HS6ST3: variants seen among roughly 807,000 people sequenced by gnomAD.
The protein encoded by HS6ST3 is heparan sulfate 6-O-sulfotransferase 3.
HS6ST3 carries 12 observed loss-of-function variants against 36.7 expected under a neutral mutation model. The observed-to-expected ratio is 0.33, with a 90% CI of 0.21 to 0.53. HS6ST3 has a LOEUF of 0.53. Ranked by LOEUF, HS6ST3 falls within the 20% of genes least tolerant of loss-of-function variation. The pLI is 0.95. For missense variants in HS6ST3, 584 were observed against 640.9 expected (o/e 0.91, Z 0.96); for synonymous variants, 240 against 257.5 (o/e 0.93, Z 0.65).
chr13:96,553,902 A>T (rs2056229549), intron 1 of HS6ST3, among the ~76,000 whole-genome samples: 1 of 152,178 alleles, frequency 6.6e-6, no homozygotes, highest in African/African-American at 2.4e-5. Flanking sequence ...AGAGAAAAGA[A>T]CCAAAGATGG....
At chr13:96,815,870 C>A (rs1260862625) in intron 1 of HS6ST3, among the ~76,000 whole-genome samples, 1 of 152,154 alleles carries the variant, frequency 6.6e-6, no homozygotes, top group Non-Finnish European at 1.5e-5. Context: ...GTGTTCAAAG[C>A]CACAATCCCC....
intron 1 of HS6ST3, among the ~76,000 whole-genome samples, chr13:96,188,375 TAGGCCAA>T (rs1389369878): frequency 2.0e-5 from 3 of 152,158 alleles, no homozygotes; most frequent in Non-Finnish European, 4.4e-5. Context: ...AGCACTTTGG[TAGGCCAA>T]AGCTGGAGAA....
At chr13:96,631,127 C>G (rs774760391) in intron 1 of HS6ST3, among the ~76,000 whole-genome samples, 5 of 152,112 alleles carry the variant, frequency 3.3e-5, no homozygotes, top group Non-Finnish European at 5.9e-5. Context: ...AAACAGTAGT[C>G]AAATGAGCTG....
chr13:96,747,039 A>C (rs560275896), intron 1 of HS6ST3, among the ~76,000 whole-genome samples: 3 of 151,836 alleles, frequency 2.0e-5, no homozygotes, highest in Non-Finnish European at 4.4e-5. Context: ...TTTTTTCCCA[A>C]CCTCCCTACC....
At chr13:96,164,849 A>AT (rs147755602) in intron 1 of HS6ST3, among the ~76,000 whole-genome samples, 3,956 of 150,500 alleles carry the variant, frequency 0.026, 62 homozygotes, top group East Asian at 0.056. Flanking sequence ...AATGATACAG[A>AT]TTTTTTTTTT....
chr13:96,112,555 A>G (rs2053873392), intron 1 of HS6ST3, among the ~76,000 whole-genome samples: 2 of 136,440 alleles, frequency 1.5e-5, no homozygotes, highest in Admixed American at 7.7e-5. Flanking sequence ...CAACATGATA[A>G]AACCCCATCT....
intron 1 of HS6ST3, among the ~76,000 whole-genome samples, chr13:96,544,837 C>T (rs991501875): frequency 2.0e-5 from 3 of 152,102 alleles, no homozygotes; most frequent in Non-Finnish European, 4.4e-5. Context: ...CAGGAAGTGA[C>T]TTGGGCACTG....
chr13:96,303,995 T>C (rs534051472), intron 1 of HS6ST3, among the ~76,000 whole-genome samples: 5 of 151,976 alleles, frequency 3.3e-5, no homozygotes, highest in Non-Finnish European at 7.4e-5. Context: ...ATACAAAAAT[T>C]AGCCAGGTGT....
chr13:96,229,418 C>A (rs114654225), intron 1 of HS6ST3, among the ~76,000 whole-genome samples: 1,769 of 152,278 alleles, frequency 0.012, 36 homozygotes, highest in African/African-American at 0.041. Flanking sequence ...GAGTCTGGGA[C>A]GACTAGCTTA....
At position 96,833,078 on chromosome 13, in the gene HS6ST3, G is replaced by C; in HGVS notation, c.1296G>C (p.Gln432His). The change falls in exon 2 of 2, where the codon CAG becomes CAC. Residue 432 changes from glutamine to histidine, a missense_variant. By Grantham distance (24) the Gln-to-His change is conservative (BLOSUM62 0). This residue lies in a region of HS6ST3 where 360 missense variants were observed against 411.3 expected (regional missense o/e 0.88). Transcript: ENST00000376705. ...AGCTAGAGCACCAGAGGGACCGCCA[G>C]AAGCGGCGGGAGGAGCGGAGGCTGC... Reference protein sequence around the residue: ...TKQLEHQRDRQKRREERRLQR... With the variant: ...TKQLEHQRDRHKRREERRLQR... The C allele has an allele frequency of 6.2e-7, 1 of 1,611,546 alleles. No homozygotes were observed. Among genetic ancestry groups the C allele is most frequent in the Non-Finnish European group, 8.5e-7 (1 of 1,180,016 alleles).
intron 1 of HS6ST3, among the ~76,000 whole-genome samples, chr13:96,789,174 C>T (rs1368662919): frequency 6.6e-6 from 1 of 151,374 alleles, no homozygotes; most frequent in Non-Finnish European, 1.5e-5. Flanking sequence ...TTAAATATTT[C>T]TCTTTGTATT....
chr13:96,143,360 C>T (rs930750307), intron 1 of HS6ST3, among the ~76,000 whole-genome samples: 3 of 150,360 alleles, frequency 2.0e-5, no homozygotes, highest in Admixed American at 6.6e-5. Flanking sequence ...ATTCTTGAAA[C>T]TACCTTGTCT....
intron 1 of HS6ST3, among the ~76,000 whole-genome samples, chr13:96,503,543 A>T (rs1204774566): frequency 6.6e-6 from 1 of 152,116 alleles, no homozygotes; most frequent in Non-Finnish European, 1.5e-5. Context: ...TAGTAGGAAG[A>T]GTGGGATTTA....
At chr13:96,780,208 A>T (rs1877492193) in intron 1 of HS6ST3, among the ~76,000 whole-genome samples, 1 of 152,186 alleles carries the variant, frequency 6.6e-6, no homozygotes, top group Non-Finnish European at 1.5e-5. Flanking sequence ...GAGCTGAAGG[A>T]TCCATGCAGA....
intron 1 of HS6ST3, among the ~76,000 whole-genome samples, chr13:96,810,353 C>T (rs972392401): frequency 2.0e-5 from 3 of 152,028 alleles, no homozygotes; most frequent in African/African-American, 7.3e-5. Flanking sequence ...AGCAGACCTT[C>T]CCCACCCCCA....
At chr13:96,802,879 C>A (rs1265829909) in intron 1 of HS6ST3, among the ~76,000 whole-genome samples, 1 of 152,140 alleles carries the variant, frequency 6.6e-6, no homozygotes, top group Non-Finnish European at 1.5e-5. Flanking sequence ...TTTCAAGTGG[C>A]ATTTTAAAGT....
chr13:96,322,322 A>T (rs12867783), intron 1 of HS6ST3, among the ~76,000 whole-genome samples: 53,390 of 149,222 alleles, frequency 0.36, 9,829 homozygotes, highest in African/African-American at 0.42. Context: ...AGGCGGGCGG[A>T]TCACTTGAGC....
chr13:96,176,541 C>CA (rs112198287), intron 1 of HS6ST3, among the ~76,000 whole-genome samples: 3,800 of 98,572 alleles, frequency 0.039, 46 homozygotes, highest in East Asian at 0.081. Flanking sequence ...GTGGTCTTGC[C>CA]AAAAAAAAAA....
rs1323750957 is a variant in HS6ST3 at position 96,328,966 on chromosome 13, C to T, written c.707+237397C>T. Reference sequence around the variant, plus strand: ...TCTTCTAGATTTTCTAGTTTATTTGCGTAGAGGTGTTTGTAGTATTCTCTG... The same window carrying T: ...TCTTCTAGATTTTCTAGTTTATTTGTGTAGAGGTGTTTGTAGTATTCTCTG... On this transcript the variant is annotated intron_variant, in intron 1 of 1. Coordinates refer to ENST00000376705, the MANE Select transcript of HS6ST3 (RefSeq NM_153456.4). 8.6e-4 allele frequency among the ~76,000 whole-genome samples: 129 copies of T among 150,424 alleles called. 2 individuals carry two copies. Among genetic ancestry groups the T allele is most frequent in the African/African-American group, 2.9e-3 (118 of 41,082 alleles).
Sources: allele counts gnomAD v4.1 joint callset (sites outside exome capture counted in the v4.1 genomes callset), GRCh38; gene constraint gnomAD v4.1.1; regional missense constraint gnomAD v4.1.1; transcripts MANE v1.5; gene names NCBI Gene and HGNC (gene_info 2026-07-23, HGNC 2026-07-21).